Variants in ELOC observed in about 807,000 individuals in gnomAD.
ELOC encodes the protein elongin-C.
For synonymous variants in ELOC, 40 were observed against 51.3 expected, an observed-to-expected ratio of 0.78 and a Z score of 0.94; for missense variants, 38 against 139.0, an observed-to-expected ratio of 0.27 and a Z score of 3.65.
At chr8:73,964,697 G>A (rs1256772029) in intron 1 of ELOC, 2 of 152,054 alleles carry the variant, frequency 1.3e-5, no homozygotes, top group African/African-American at 4.8e-5. Context: ...AAAACTTGAT[G>A]AACTGCATTT....
intron 1 of ELOC, among the ~76,000 whole-genome samples, chr8:73,965,036 C>CA (rs61081733): frequency 0.22 from 17,623 of 81,406 alleles, 2,033 homozygotes; most frequent in African/African-American, 0.33. Context: ...AAAAACAAAC[C>CA]AAAAAAAAAA....
At chr8:73,962,900 T>C (rs1250692660) in intron 1 of ELOC, among the ~76,000 whole-genome samples, 1 of 152,184 alleles carries the variant, frequency 6.6e-6, no homozygotes, top group Non-Finnish European at 1.5e-5. Context: ...TTAGAAATAT[T>C]TAAAATATGA....
chr8:73,948,834 C>G (rs1280337327), intron 3 of ELOC, among the ~76,000 whole-genome samples: 3 of 131,954 alleles, frequency 2.3e-5, no homozygotes, highest in Non-Finnish European at 4.7e-5. Flanking sequence ...CCCTGTCACT[C>G]ACAAGCAAGC....
chr8:73,962,810 A>G (rs1270800380), intron 1 of ELOC, among the ~76,000 whole-genome samples: 1 of 152,236 alleles, frequency 6.6e-6, no homozygotes, highest in Non-Finnish European at 1.5e-5. Flanking sequence ...TAAGGAGAGA[A>G]GAGGAGACCC....
intron 3 of ELOC, among the ~76,000 whole-genome samples, chr8:73,951,732 C>T (rs1321659103): frequency 1.3e-5 from 2 of 152,122 alleles, no homozygotes; most frequent in African/African-American, 4.8e-5. Flanking sequence ...ATAGCCCAAA[C>T]AATCTTGAAA....
intron 3 of ELOC, among the ~76,000 whole-genome samples, chr8:73,954,034 T>G (rs1813965531): frequency 6.6e-6 from 1 of 152,218 alleles, no homozygotes; most frequent in African/African-American, 2.4e-5. Context: ...GTGCTGTACA[T>G]GCACCACATA....
intron 1 of ELOC, among the ~76,000 whole-genome samples, chr8:73,965,057 T>A (rs1814880819): frequency 5.4e-5 from 6 of 111,460 alleles, no homozygotes; most frequent in Admixed American, 2.8e-4. Flanking sequence ...AAAAAAACTC[T>A]CAAAAACCAA....
chr8:73,962,934 G>T (rs1057223722), intron 1 of ELOC, among the ~76,000 whole-genome samples: 1 of 152,164 alleles, frequency 6.6e-6, no homozygotes, highest in African/African-American at 2.4e-5. Flanking sequence ...CAATCCATAA[G>T]TTATCTAAAG....
rs749086085 is a variant in ELOC at position 73,955,954 on chromosome 8, A to G, written c.105T>C (p.His35=). ...CTTTTATCGTGCCTGATGTTAATGC[A>G]TGTTCTCTTTTTACAATAAATTCAT... ...DGHEFIVKRE[H]ALTSGTIKAM... Residue 35 remains histidine (H), a synonymous_variant, in exon 3 of 4, where the codon CAT becomes CAC. Coordinates refer to ENST00000520242, the MANE Select transcript of ELOC (RefSeq NM_005648.4). 3.1e-6 allele frequency: 5 copies of G among 1,614,034 alleles called. No homozygotes were observed. Among genetic ancestry groups the G allele is most frequent in the Non-Finnish European group, 4.2e-6 (5 of 1,179,916 alleles).
chr8:73,946,370 A>C lies in ELOC; in HGVS notation c.*260T>G. 3.0e-6 allele frequency: 1 copy of C among 329,122 alleles called. No individual in the cohort carries two copies. The highest frequency in any genetic ancestry group is 4.9e-5 in the East Asian group (1 of 20,418). 20.4% of individuals were successfully genotyped at this position (329,122 alleles called of 1,614,324 possible). ...ATCATCATTGCTGATTTTAAGTCAC[A>C]TTCAAAGGATAAGGCAAAACCACCT... On this transcript the variant is annotated 3_prime_UTR_variant, in exon 4 of 4. Transcript: ENST00000520242.
At chr8:73,955,174 TCATGCAAAAGGCCAGG>T (rs1260892690) in intron 3 of ELOC, among the ~76,000 whole-genome samples, 1 of 151,370 alleles carries the variant, frequency 6.6e-6, no homozygotes, top group Non-Finnish European at 1.5e-5. Context: ...TGCAACATAA[TCATGCAAAAGGCCAGG>T]CATGCAAAAG....
chr8:73,965,683 G>T (rs1814924752), intron 1 of ELOC, among the ~76,000 whole-genome samples: 1 of 152,128 alleles, frequency 6.6e-6, no homozygotes, highest in Non-Finnish European at 1.5e-5. Flanking sequence ...GCATTTCACT[G>T]TATGTAGGTT....
chr8:73,948,303 T>G (rs562713587), intron 3 of ELOC, among the ~76,000 whole-genome samples: 87 of 152,292 alleles, frequency 5.7e-4, no homozygotes, highest in Middle Eastern at 3.4e-3. Flanking sequence ...ATCTTGGTGG[T>G]ATGATTGGCG....
rs71561555 is a variant in ELOC, at chr8:73,962,575, C to CAA, written c.-50-2759_-50-2758dup. ...GTAAATACTCTTTTAAAAAACAAAA[C>CAA]AAAAAAAAAAACAAAACAAATGCGA... On this transcript the variant is annotated intron_variant, in intron 1 of 3. Coordinates refer to ENST00000520242, the MANE Select transcript of ELOC (RefSeq NM_005648.4). Among the ~76,000 whole-genome samples the CAA allele has an allele frequency of 3.2e-3, 465 of 146,206 alleles. 3 individuals are homozygous for CAA. The highest frequency in any genetic ancestry group is 8.9e-3 in the African/African-American group (345 of 38,842).
At chr8:73,955,706 A>C (rs1814128570) in intron 3 of ELOC, 1 of 579,688 alleles carries the variant, frequency 1.7e-6, no homozygotes, top group Non-Finnish European at 3.1e-6. Context: ...CGGAGATTGC[A>C]GTGAGCTGAG....
At chr8:73,959,030 T>C (rs1201795014) in intron 2 of ELOC, among the ~76,000 whole-genome samples, 1 of 152,198 alleles carries the variant, frequency 6.6e-6, no homozygotes, top group Non-Finnish European at 1.5e-5. Context: ...TTTGTGTATC[T>C]AAACATAGAA....
chr8:73,971,442 G>A (rs565691574), intron 1 of ELOC, among the ~76,000 whole-genome samples: 4 of 152,242 alleles, frequency 2.6e-5, no homozygotes, highest in South Asian at 4.2e-4. Context: ...TACACTAAAA[G>A]CAATGTGGAG....
At chr8:73,959,689 A>C (rs1453513737) in intron 2 of ELOC, 76 bp downstream of exon 2, 3 of 1,309,140 alleles carry the variant, frequency 2.3e-6, no homozygotes, top group African/African-American at 1.5e-5. Context: ...ACTTGTGTTC[A>C]CTGAATTTTA....
intron 1 of ELOC, among the ~76,000 whole-genome samples, chr8:73,967,396 T>C (rs759772789): frequency 1.3e-5 from 2 of 152,096 alleles, no homozygotes; most frequent in African/African-American, 4.8e-5. Flanking sequence ...ATGTAAACGA[T>C]TGAGTGTGGC....
Sources: allele counts gnomAD v4.1 joint callset (sites outside exome capture counted in the v4.1 genomes callset), GRCh38; gene constraint gnomAD v4.1.1; transcripts MANE v1.5; gene names NCBI Gene and HGNC (gene_info 2026-07-23, HGNC 2026-07-21).